Variants in FRMD3 observed in about 807,000 individuals in gnomAD.
FRMD3 encodes FERM domain-containing protein 3.
In FRMD3, 33 loss-of-function variants were observed where a neutral mutation model predicts 70.2. That is an observed-to-expected ratio of 0.47 (90% CI 0.36 to 0.63). The LOEUF is 0.63. FRMD3 is among the 20% of genes least tolerant of loss of function. The probability of loss-of-function intolerance (pLI) is 0.00; values close to 1 mark genes in which losing one functional copy is unlikely to be tolerated. For missense variants in FRMD3, 632 were observed against 711.4 expected, an observed-to-expected ratio of 0.89 and a Z score of 1.27; for synonymous variants, 279 against 255.9, an observed-to-expected ratio of 1.09 and a Z score of -0.86.
chr9:83,484,020 A>G (rs1002172315), intron 1 of FRMD3, among the ~76,000 whole-genome samples: 3 of 152,248 alleles, frequency 2.0e-5, no homozygotes, highest in South Asian at 2.1e-4. Context: ...AATTTGCTCA[A>G]TTCTTCTCAC....
At position 83,248,465 on chromosome 9, in the gene FRMD3, G is replaced by T; in HGVS notation, c.1247C>A (p.Ser416Tyr). The change falls in exon 14 of 14, where the codon TCC becomes TAC. Residue 416 changes from serine (S) to tyrosine (Y), a missense_variant. By Grantham distance (144) the Ser-to-Tyr change is moderately radical. Transcript: ENST00000304195. Reference protein sequence around the residue: ...ENISAPLISSSPVKAAREYED... With the variant: ...ENISAPLISSYPVKAAREYED... ...ATACTCCCGGGCTGCCTTCACTGGG[G>T]AGCTGGAGATCAAGGGAGCAGAAAT... The T allele has an allele frequency of 5.0e-6, 8 of 1,613,526 alleles. No individual in the cohort carries two copies. Among genetic ancestry groups the T allele is most frequent in the Non-Finnish European group, 5.9e-6 (7 of 1,179,960 alleles).
intron 1 of FRMD3, among the ~76,000 whole-genome samples, chr9:83,493,648 A>G (rs1345638903): frequency 6.6e-6 from 1 of 152,214 alleles, no homozygotes; most frequent in African/African-American, 2.4e-5. Context: ...AGCCTTTAAG[A>G]TGTAAACGTG....
Position 83,313,654 on chromosome 9 carries a change from A to G in FRMD3, c.684+6T>C. On this transcript the variant is annotated splice_donor_region_variant and intron_variant, in intron 7 of 13. Coordinates refer to ENST00000304195, the MANE Select transcript of FRMD3 (RefSeq NM_174938.6). ...TATATGGTGACCTGCTGTGAGGGGC[A>G]GTTACCTTGCATGGGTGAGGATCCA... 1 of 1,610,448 alleles carries G rather than the reference A, an allele frequency of 6.2e-7. No homozygotes were observed. The highest frequency in any genetic ancestry group is 8.5e-7 in the Non-Finnish European group (1 of 1,176,636).
intron 2 of FRMD3, among the ~76,000 whole-genome samples, chr9:83,376,934 G>A (rs564227734): frequency 6.8e-5 from 10 of 146,164 alleles, no homozygotes; most frequent in Middle Eastern, 3.5e-3. Context: ...GTGCCCAACC[G>A]GCACCCGTTA....
At chr9:83,385,772 T>C (rs1043810090) in intron 2 of FRMD3, among the ~76,000 whole-genome samples, 1 of 152,216 alleles carries the variant, frequency 6.6e-6, no homozygotes, top group Admixed American at 6.5e-5. Flanking sequence ...TTAATATCTG[T>C]TTAAAATGTC....
At chr9:83,482,655 C>T (rs1828595009) in intron 1 of FRMD3, among the ~76,000 whole-genome samples, 1 of 152,122 alleles carries the variant, frequency 6.6e-6, no homozygotes, top group Admixed American at 6.5e-5. Context: ...TAGGAAAATT[C>T]CTGAAGCCAG....
intron 1 of FRMD3, among the ~76,000 whole-genome samples, chr9:83,506,086 A>G (rs1829175850): frequency 6.6e-6 from 1 of 152,260 alleles, no homozygotes; most frequent in Non-Finnish European, 1.5e-5. Context: ...TAGGAAGAGT[A>G]GATAACTTCA....
chr9:83,316,161 C>CTTTTT (rs34851421), intron 6 of FRMD3, among the ~76,000 whole-genome samples: 1 of 112,606 alleles, frequency 8.9e-6, no homozygotes, highest in African/African-American at 3.7e-5. Flanking sequence ...TTTTTTTTTT[C>CTTTTT]TTTTTTTTTT....
chr9:83,381,686 AC>A (rs912035475), intron 2 of FRMD3, among the ~76,000 whole-genome samples: 17 of 152,330 alleles, frequency 1.1e-4, no homozygotes, highest in South Asian at 2.1e-4. Flanking sequence ...AAGAAGAAAC[AC>A]TGCGCAAATC....
chr9:83,561,010 T>A, the FRMD3 span, among the ~76,000 whole-genome samples: 3 of 152,228 alleles, frequency 2.0e-5, no homozygotes. Flanking sequence ...CAGCCACTTA[T>A]TTTTATCCTT....
intron 1 of FRMD3, among the ~76,000 whole-genome samples, chr9:83,509,793 A>G (rs1428290692): frequency 3.3e-5 from 5 of 151,832 alleles, no homozygotes; most frequent in Admixed American, 6.6e-5. Context: ...GCGCGCACAC[A>G]CACACACACA....
chr9:83,579,981 G>A, the FRMD3 span, among the ~76,000 whole-genome samples: 1 of 151,932 alleles, frequency 6.6e-6, no homozygotes, highest in African/African-American at 2.4e-5. Context: ...ATCTGAATAG[G>A]CCCTTCTCAA....
chr9:83,437,036 T>G (rs1355490468), intron 1 of FRMD3, among the ~76,000 whole-genome samples: 1 of 152,166 alleles, frequency 6.6e-6, no homozygotes, highest in Non-Finnish European at 1.5e-5. Flanking sequence ...GGTTCCACCA[T>G]GTAAAATCCA....
intron 2 of FRMD3, among the ~76,000 whole-genome samples, chr9:83,381,511 C>G (rs3860910): frequency 0.44 from 66,962 of 151,360 alleles, 15,204 homozygotes; most frequent in Admixed American, 0.5. Context: ...AGCCTAGATC[C>G]TGCCACTGCA....
chr9:83,349,281 G>A (rs1824065162), intron 4 of FRMD3, among the ~76,000 whole-genome samples: 1 of 152,132 alleles, frequency 6.6e-6, no homozygotes, highest in South Asian at 2.1e-4. Flanking sequence ...CAGGATGACA[G>A]ACAATGCATT....
chr9:83,274,640 T>C (rs976438620), intron 13 of FRMD3, among the ~76,000 whole-genome samples: 1 of 151,980 alleles, frequency 6.6e-6, no homozygotes, highest in Non-Finnish European at 1.5e-5. Context: ...AGGGTCCAGG[T>C]GGGACAAAAG....
the FRMD3 span, among the ~76,000 whole-genome samples, chr9:83,546,513 G>A: frequency 6.6e-6 from 1 of 152,102 alleles, no homozygotes; most frequent in Non-Finnish European, 1.5e-5. Context: ...TGTCAAAGAA[G>A]TTCTAAACAT....
At chr9:83,256,644 C>G (rs1246053872) in intron 13 of FRMD3, among the ~76,000 whole-genome samples, 1 of 150,984 alleles carries the variant, frequency 6.6e-6, no homozygotes, top group Non-Finnish European at 1.5e-5. Context: ...CCACAGTCTA[C>G]AAGGAACTTA....
At chr9:83,306,185 A>C (rs1435326622) in intron 10 of FRMD3, among the ~76,000 whole-genome samples, 1 of 152,210 alleles carries the variant, frequency 6.6e-6, no homozygotes, top group Non-Finnish European at 1.5e-5. Flanking sequence ...TGATTTCACT[A>C]AAGTATCTTC....
Sources: allele counts gnomAD v4.1 joint callset (sites outside exome capture counted in the v4.1 genomes callset), GRCh38; gene constraint gnomAD v4.1.1; transcripts MANE v1.5; gene names NCBI Gene and HGNC (gene_info 2026-07-23, HGNC 2026-07-21).